ONECUT2: variants seen among roughly 807,000 people sequenced by gnomAD.
The protein encoded by ONECUT2 is one cut homeobox 2, also known as one cut domain family member 2.
A neutral mutation model predicts 27.9 loss-of-function variants in ONECUT2; 10 were observed. The observed-to-expected ratio is 0.36, with a 90% CI of 0.22 to 0.61. The LOEUF is 0.61. Ranked by LOEUF, ONECUT2 falls within the 20% of genes least tolerant of loss-of-function variation. The pLI, the probability that ONECUT2 is intolerant of heterozygous loss-of-function variation, is 0.73. For missense variants in ONECUT2, 686 were observed against 721.0 expected (o/e 0.95, Z 0.56); for synonymous variants, 334 against 315.1 (o/e 1.06, Z -0.64).
chr18:57,456,234 G>A (rs2050258586), intron 1 of ONECUT2, among the ~76,000 whole-genome samples: 1 of 152,288 alleles, frequency 6.6e-6, no homozygotes, highest in Admixed American at 6.5e-5. Flanking sequence ...CCACTTCTGA[G>A]TATACACTCC....
intron 1 of ONECUT2, among the ~76,000 whole-genome samples, chr18:57,438,853 T>C (rs1232033336): frequency 6.6e-6 from 1 of 152,192 alleles, no homozygotes; most frequent in Non-Finnish European, 1.5e-5. Context: ...GCGATAATAA[T>C]AGCGGCGGGA....
In ONECUT2 at chr18:57,480,824, C is replaced by T. The variant is rs2050412025; in HGVS notation, c.*4101C>T. On this transcript the variant is annotated 3_prime_UTR_variant, in exon 2 of 2. Coordinates refer to ENST00000491143, the MANE Select transcript of ONECUT2 (RefSeq NM_004852.3). ...TAGAATTTAACCCAGTGAGTTTACT[C>T]AAGGATTTTTAAATTTAAGTTAATA... 1 of 152,106 alleles carries T rather than the reference C, an allele frequency of 6.6e-6. No homozygotes were observed. The highest frequency in any genetic ancestry group is 1.5e-5 in the Non-Finnish European group (1 of 68,038). 9.4% of individuals were successfully genotyped at this position (152,106 alleles called of 1,614,324 possible).
chr18:57,463,705 T>A (rs1264945043), intron 1 of ONECUT2, among the ~76,000 whole-genome samples: 1 of 152,236 alleles, frequency 6.6e-6, no homozygotes, highest in Non-Finnish European at 1.5e-5. Context: ...CTATTCTATG[T>A]ACACTCTTGA....
chr18:57,446,663 T>A (rs1279342906), intron 1 of ONECUT2, among the ~76,000 whole-genome samples: 1 of 152,224 alleles, frequency 6.6e-6, no homozygotes, highest in East Asian at 1.9e-4. Context: ...CATGCAAGCA[T>A]TATCTTCCTA....
rs1261270229 is a variant in ONECUT2 at position 57,435,642 on chromosome 18, G to C, written c.-75G>C. 335 of 986,070 alleles carry C rather than the reference G, an allele frequency of 3.4e-4. 1 individual carries two copies. Among genetic ancestry groups the C allele is most frequent in the Non-Finnish European group, 3.7e-4 (306 of 827,132 alleles). 61.1% of individuals were successfully genotyped at this position (986,070 alleles called of 1,614,324 possible). A position where few individuals can be genotyped will look rare whatever the true frequency, so the allele number is the denominator to read the frequency against. On this transcript the variant is annotated 5_prime_UTR_variant, in exon 1 of 2. Coordinates refer to ENST00000491143, the MANE Select transcript of ONECUT2 (RefSeq NM_004852.3). Reference sequence around the variant, plus strand: ...CGCCCGCCCCCACTCCCGCAGCCGAGCCCCGCCACGCGCGCCTTGCCCGCC... The same window carrying C: ...CGCCCGCCCCCACTCCCGCAGCCGACCCCCGCCACGCGCGCCTTGCCCGCC...
chr18:57,475,823 C>T (rs1160038116), intron 1 of ONECUT2, among the ~76,000 whole-genome samples: 1 of 152,094 alleles, frequency 6.6e-6, no homozygotes, highest in African/African-American at 2.4e-5. Flanking sequence ...TTTTTCTAGT[C>T]TTTCTCTCCC....
intron 1 of ONECUT2, among the ~76,000 whole-genome samples, chr18:57,470,870 C>T (rs899017110): frequency 3.3e-5 from 5 of 152,164 alleles, no homozygotes; most frequent in Non-Finnish European, 1.5e-5. Flanking sequence ...TGCTTCCCCT[C>T]CCCACCAGCA....
chr18:57,470,297 G>A (rs2050346212), intron 1 of ONECUT2, among the ~76,000 whole-genome samples: 1 of 152,164 alleles, frequency 6.6e-6, no homozygotes, highest in African/African-American at 2.4e-5. Context: ...CTGACCCGGT[G>A]TTGAGTTGCT....
intron 1 of ONECUT2, chr18:57,444,376 A>G (rs555167929): frequency 6.6e-6 from 3 of 456,702 alleles, no homozygotes; most frequent in South Asian, 3.1e-5. Flanking sequence ...TTTCTGCCGT[A>G]TTTGGAGAGG....
At position 57,442,259 on chromosome 18, in the gene ONECUT2, T is replaced by C. The variant is rs2050179662; in HGVS notation, c.1228+5315T>C. ...ATTCTTCTGGGTTTTTTTTTTTTTTTTTTGAAATTATGAATCCCACCTGTT... is the reference window on the plus strand; with the variant it reads ...ATTCTTCTGGGTTTTTTTTTTTTTTCTTTGAAATTATGAATCCCACCTGTT... On this transcript the variant is annotated intron_variant, in intron 1 of 1. Transcript: ENST00000491143. 2.0e-5 allele frequency among the ~76,000 whole-genome samples: 3 copies of C among 151,674 alleles called. No individual in the cohort carries two copies. In the South Asian group the frequency reaches 6.2e-4, roughly 32 times the overall value.
chr18:57,468,769 G>A (rs993166045), intron 1 of ONECUT2, among the ~76,000 whole-genome samples: 1 of 152,202 alleles, frequency 6.6e-6, no homozygotes, highest in Non-Finnish European at 1.5e-5. Context: ...AGATTTACCA[G>A]CATTTATGGC....
intron 1 of ONECUT2, among the ~76,000 whole-genome samples, chr18:57,447,810 A>G (rs2050209024): frequency 6.6e-6 from 1 of 152,260 alleles, no homozygotes; most frequent in African/African-American, 2.4e-5. Context: ...TAATGTCACA[A>G]GGAGAACCAA....
intron 1 of ONECUT2, chr18:57,467,357 T>C: frequency 4.9e-6 from 1 of 203,988 alleles, no homozygotes; most frequent in South Asian, 2.6e-5. Context: ...TTTTTTTTTG[T>C]TTGTTTGTTT....
intron 1 of ONECUT2, among the ~76,000 whole-genome samples, chr18:57,475,833 C>T (rs962679690): frequency 6.6e-6 from 1 of 152,102 alleles, no homozygotes. Context: ...CTTTCTCTCC[C>T]TTGGTCTTCT....
At chr18:57,467,285 C>T in intron 1 of ONECUT2, 1 of 428,114 alleles carries the variant, frequency 2.3e-6, no homozygotes, top group South Asian at 1.7e-5. Flanking sequence ...CAAGTGAAAG[C>T]AGAGGCGGCG....
rs2122162382 is a variant in ONECUT2, at chr18:57,482,366, T to A, written c.*5643T>A. The A allele has an allele frequency of 6.6e-6, 1 of 152,344 alleles. No individual in the cohort carries two copies. Among genetic ancestry groups the A allele is most frequent in the African/African-American group, 2.4e-5 (1 of 41,588 alleles). The allele number at this position is 152,344 out of a possible 1,614,324, so 9.4% of individuals were successfully genotyped here. ...ATACAGAACTTACCATTGAGGCTGA[T>A]GGGCTGTTGTGTGAATCACACAGGA... On this transcript the variant is annotated 3_prime_UTR_variant, in exon 2 of 2. Transcript: ENST00000491143.
At chr18:57,464,945 A>G (rs2050312525) in intron 1 of ONECUT2, among the ~76,000 whole-genome samples, 1 of 152,178 alleles carries the variant, frequency 6.6e-6, no homozygotes, top group Non-Finnish European at 1.5e-5. Context: ...GAAAATTTTC[A>G]TAGAAGTTAT....
rs147060981 is a variant in ONECUT2 at position 57,474,586 on chromosome 18, A to T, written c.1229-1851A>T. On this transcript the variant is annotated intron_variant, in intron 1 of 1. Transcript: ENST00000491143. The stretch of plus-strand genomic sequence containing the variant: ...GGGGCAAGAGGTCTCTCTCAGGCTT[A>T]TTTTATAAGGGCACTAACCCTATTC... 1.0e-2 allele frequency among the ~76,000 whole-genome samples: 1,522 copies of T among 152,218 alleles called. 34 individuals carry two copies. The highest frequency in any genetic ancestry group is 0.035 in the African/African-American group (1,434 of 41,524).
rs1006763409 is a variant in ONECUT2 at position 57,480,614 on chromosome 18, C to T, written c.*3891C>T. ...AAGGCAAGAATTTCTCTCCAAGGAG[C>T]TTTAATAAATGTCTCATTCCAGATA... On this transcript the variant is annotated 3_prime_UTR_variant, in exon 2 of 2. Coordinates refer to ENST00000491143, the MANE Select transcript of ONECUT2 (RefSeq NM_004852.3). 1.3e-5 allele frequency: 2 copies of T among 150,760 alleles called. No individual in the cohort carries two copies. Among genetic ancestry groups the T allele is most frequent in the African/African-American group, 4.9e-5 (2 of 40,958 alleles). The allele number at this position is 150,760 out of a possible 1,614,324, so 9.3% of individuals were successfully genotyped here.
Sources: allele counts gnomAD v4.1 joint callset (sites outside exome capture counted in the v4.1 genomes callset), GRCh38; gene constraint gnomAD v4.1.1; transcripts MANE v1.5; gene names NCBI Gene and HGNC (gene_info 2026-07-23, HGNC 2026-07-21).